The following ZCCHC7 variants were observed in gnomAD, a reference collection of about 807,000 sequenced individuals.
The protein encoded by ZCCHC7 is zinc finger CCHC domain-containing protein 7.
A neutral mutation model predicts 52.0 loss-of-function variants in ZCCHC7; 35 were observed. That is an observed-to-expected ratio of 0.67 (90% CI 0.51 to 0.89). The LOEUF is 0.89. Among genes scored for constraint, ZCCHC7 ranks in the 40% least tolerant of loss-of-function variants. The probability of loss-of-function intolerance (pLI) is 0.00; values close to 1 mark genes in which losing one functional copy is unlikely to be tolerated. For synonymous variants in ZCCHC7, 217 were observed against 221.5 expected, an observed-to-expected ratio of 0.98 and a Z score of 0.18; for missense variants, 574 against 649.1, an observed-to-expected ratio of 0.88 and a Z score of 1.26.
chr9:37,225,372 T>G (rs533738891), intron 2 of ZCCHC7, among the ~76,000 whole-genome samples: 2 of 152,198 alleles, frequency 1.3e-5, no homozygotes, highest in Non-Finnish European at 2.9e-5. Flanking sequence ...TATCACACTT[T>G]AAAGAAGGAA....
intron 2 of ZCCHC7, among the ~76,000 whole-genome samples, chr9:37,234,002 T>C (rs1825528169): frequency 6.6e-6 from 1 of 151,968 alleles, no homozygotes; most frequent in African/African-American, 2.4e-5. Flanking sequence ...TACAGGCGCC[T>C]GCCACCACGC....
intron 5 of ZCCHC7, among the ~76,000 whole-genome samples, chr9:37,316,479 C>A (rs1423046165): frequency 7.1e-6 from 1 of 141,292 alleles, no homozygotes; most frequent in Admixed American, 7.1e-5. Context: ...CACGCACTAC[C>A]CTGCCCAGCT....
intron 5 of ZCCHC7, 151 bp from the exon 6 acceptor site, chr9:37,327,648 C>G (rs549840243): frequency 1.5e-5 from 10 of 683,730 alleles, no homozygotes; most frequent in African/African-American, 1.4e-4. Context: ...AACTGTCTAG[C>G]CAGGTTTTTG....
At chr9:37,350,576 C>A (rs1821318276) in intron 7 of ZCCHC7, among the ~76,000 whole-genome samples, 2 of 152,192 alleles carry the variant, frequency 1.3e-5, no homozygotes, top group African/African-American at 4.8e-5. Flanking sequence ...CCACAAATGC[C>A]CAGATTCCCT....
intron 5 of ZCCHC7, among the ~76,000 whole-genome samples, chr9:37,319,527 A>G (rs189080479): frequency 8.5e-4 from 129 of 152,256 alleles, no homozygotes; most frequent in African/African-American, 2.6e-3. Context: ...TCCCAGGCTC[A>G]AGTGATCCTA....
intron 2 of ZCCHC7, among the ~76,000 whole-genome samples, chr9:37,139,793 T>G (rs1843146277): frequency 6.6e-6 from 1 of 151,968 alleles, no homozygotes; most frequent in African/African-American, 2.4e-5. Context: ...GAGGTATTTA[T>G]TAAGGGAAAA....
intron 2 of ZCCHC7, among the ~76,000 whole-genome samples, chr9:37,183,170 C>G (rs1359291281): frequency 6.6e-6 from 1 of 152,174 alleles, no homozygotes; most frequent in Non-Finnish European, 1.5e-5. Flanking sequence ...AACCATAAAT[C>G]AGCAGTAGCT....
chr9:37,251,920 CT>C (rs1338139687), intron 2 of ZCCHC7, among the ~76,000 whole-genome samples: 1 of 152,130 alleles, frequency 6.6e-6, no homozygotes, highest in Non-Finnish European at 1.5e-5. Context: ...GCAGTATTAG[CT>C]TACATTAGTG....
intron 2 of ZCCHC7, among the ~76,000 whole-genome samples, chr9:37,238,253 T>C (rs1825738059): frequency 6.6e-6 from 1 of 152,220 alleles, no homozygotes. Flanking sequence ...ATTGTAACAT[T>C]ACTTTTGCTT....
intron 1 of ZCCHC7, among the ~76,000 whole-genome samples, chr9:37,125,643 G>C (rs1166264337): frequency 6.6e-6 from 1 of 152,204 alleles, no homozygotes; most frequent in Admixed American, 6.5e-5. Context: ...CCAAGGAAAA[G>C]ATGAAGAATG....
chr9:37,304,170 G>T lies in ZCCHC7; in HGVS notation c.655-18G>T. ...CAGTGAAACAATTTTTTTAATTCTT[G>T]ATTTTTTTTTCCCTTAGGCCCAGAT... On this transcript the variant is annotated intron_variant, in intron 3 of 8. Transcript: ENST00000336755. 6.8e-7 allele frequency: 1 copy of T among 1,475,528 alleles called. No homozygotes were observed. The highest frequency in any genetic ancestry group is 9.1e-7 in the Non-Finnish European group (1 of 1,104,066). 91.4% of individuals were successfully genotyped at this position (1,475,528 alleles called of 1,614,324 possible).
chr9:37,235,558 C>G, intron 2 of ZCCHC7, among the ~76,000 whole-genome samples: 1 of 109,742 alleles, frequency 9.1e-6, no homozygotes, highest in Non-Finnish European at 1.8e-5. Flanking sequence ...CCTCCCCTCC[C>G]CTCCCTTCCC....
intron 6 of ZCCHC7, chr9:37,333,781 A>G (rs936663097): frequency 1.3e-5 from 2 of 151,850 alleles, no homozygotes; most frequent in Non-Finnish European, 2.9e-5. Context: ...TATATAACAC[A>G]CTTTAAAAAT....
chr9:37,122,275 C>T (rs1332199709), intron 1 of ZCCHC7, among the ~76,000 whole-genome samples: 3 of 152,220 alleles, frequency 2.0e-5, no homozygotes, highest in Admixed American at 1.3e-4. Context: ...ACAATTCAGT[C>T]AATGAATACT....
chr9:37,149,156 A>G, intron 2 of ZCCHC7, among the ~76,000 whole-genome samples: 1 of 152,140 alleles, frequency 6.6e-6, no homozygotes, highest in Non-Finnish European at 1.5e-5. Flanking sequence ...TAGTTTTGTA[A>G]TAGCTTAATT....
At chr9:37,220,774 G>A (rs868420677) in intron 2 of ZCCHC7, among the ~76,000 whole-genome samples, 1 of 152,192 alleles carries the variant, frequency 6.6e-6, no homozygotes, top group Middle Eastern at 3.4e-3. Flanking sequence ...AGTGAGCAAA[G>A]GTATGGAGAT....
chr9:37,248,195 A>G (rs958304240), intron 2 of ZCCHC7, among the ~76,000 whole-genome samples: 1 of 152,168 alleles, frequency 6.6e-6, no homozygotes, highest in Non-Finnish European at 1.5e-5. Context: ...TTCTCATACA[A>G]CCCTTACAGT....
chr9:37,344,695 G>C (rs563802535), intron 6 of ZCCHC7, among the ~76,000 whole-genome samples: 32 of 152,108 alleles, frequency 2.1e-4, no homozygotes, highest in African/African-American at 7.5e-4. Context: ...TATTTTAATT[G>C]TTTGCATACT....
At chr9:37,305,099 T>C (rs527842806) in intron 4 of ZCCHC7, among the ~76,000 whole-genome samples, 13 of 152,338 alleles carry the variant, frequency 8.5e-5, no homozygotes, top group Admixed American at 2.0e-4. Flanking sequence ...TAATTAGCTC[T>C]TAACAAACAT....
Sources: allele counts gnomAD v4.1 joint callset (sites outside exome capture counted in the v4.1 genomes callset), GRCh38; gene constraint gnomAD v4.1.1; transcripts MANE v1.5; gene names NCBI Gene and HGNC (gene_info 2026-07-23, HGNC 2026-07-21).